MARK1: variants seen among roughly 807,000 people sequenced by gnomAD.
MARK1 encodes microtubule affinity regulating kinase 1.
A neutral mutation model predicts 96.3 loss-of-function variants in MARK1; 40 were observed. The observed-to-expected ratio is 0.42, with a 90% CI of 0.32 to 0.54. The LOEUF is 0.54. Ranked by LOEUF, MARK1 falls within the 20% of genes least tolerant of loss-of-function variation. The pLI, the probability that MARK1 is intolerant of heterozygous loss-of-function variation, is 0.16. For synonymous variants in MARK1, 317 were observed against 341.2 expected (o/e 0.93, Z 0.78); for missense variants, 719 against 984.6 (o/e 0.73, Z 3.61).
chr1:220,588,856 A>G (rs1234385515), intron 3 of MARK1, among the ~76,000 whole-genome samples: 1 of 152,236 alleles, frequency 6.6e-6, no homozygotes, highest in Non-Finnish European at 1.5e-5. Flanking sequence ...TTAATAGGCC[A>G]GTAAACTGTC....
chr1:220,651,874 C>G (rs988496808), intron 14 of MARK1, 112 bp from the exon 15 acceptor site: 96 of 690,698 alleles, frequency 1.4e-4, no homozygotes, highest in Admixed American at 2.9e-5. Context: ...ATGTTTCAGT[C>G]ATGAAAGGTG....
intron 1 of MARK1, among the ~76,000 whole-genome samples, chr1:220,566,652 A>G (rs1460961930): frequency 2.0e-5 from 3 of 152,084 alleles, no homozygotes; most frequent in Non-Finnish European, 2.9e-5. Flanking sequence ...TAACTAAACA[A>G]ATTATGAAAT....
At chr1:220,570,907 A>G (rs1663405303) in intron 1 of MARK1, among the ~76,000 whole-genome samples, 1 of 152,168 alleles carries the variant, frequency 6.6e-6, no homozygotes, top group Non-Finnish European at 1.5e-5. Context: ...TGCATAGCAT[A>G]GTAGCTTTCA....
chr1:220,528,599 C>T lies in MARK1; in HGVS notation c.-224C>T, dbSNP rs1660076559. ...CGAAGCCCTCCCTCGTTACTGTCCG[C>T]ATACCCCGGCGGCGCCGCCGCGGGA... On this transcript the variant is annotated 5_prime_UTR_variant, in exon 1 of 18. Transcript: ENST00000366917. 1 of 491,230 alleles carries T rather than the reference C, an allele frequency of 2.0e-6. No homozygotes were observed. The highest frequency in any genetic ancestry group is 2.1e-5 in the African/African-American group (1 of 48,602). 30.4% of individuals were successfully genotyped at this position (491,230 alleles called of 1,614,324 possible).
intron 3 of MARK1, among the ~76,000 whole-genome samples, chr1:220,586,740 G>A (rs1034124695): frequency 4.6e-5 from 7 of 152,170 alleles, no homozygotes; most frequent in Non-Finnish European, 1.0e-4. Flanking sequence ...AGGAGGCTTA[G>A]AGTCTTTAAG....
chr1:220,559,298 G>A (rs1046713721), intron 1 of MARK1, among the ~76,000 whole-genome samples: 1 of 152,138 alleles, frequency 6.6e-6, no homozygotes, highest in Non-Finnish European at 1.5e-5. Flanking sequence ...GAATAAAGAG[G>A]GATAGGTCAT....
At chr1:220,624,167 G>A (rs1044616986) in intron 9 of MARK1, among the ~76,000 whole-genome samples, 1 of 151,424 alleles carries the variant, frequency 6.6e-6, no homozygotes, top group African/African-American at 2.4e-5. Flanking sequence ...GCATGGTGGC[G>A]AGCGCCTGTA....
In MARK1 at chr1:220,631,079, A is replaced by C. The variant is rs144253102; in HGVS notation, c.954A>C (p.Glu318Asp). Residue 318 changes from glutamate to aspartate, a missense_variant, in exon 10 of 18, where the codon GAA (glutamate) becomes GAC (aspartate). Glu to Asp is a conservative substitution (Grantham distance 45). Coordinates refer to ENST00000366917, the MANE Select transcript of MARK1 (RefSeq NM_018650.5). ...DRWMNVGHEE[E>D]ELKPYTEPDP... ...GGATGAATGTTGGTCATGAAGAGGA[A>C]GAACTAAAGCCATATACTGAGCCTG... 5 of 1,613,246 alleles carry C rather than the reference A, an allele frequency of 3.1e-6. No homozygotes were observed. In the African/African-American group the frequency reaches 6.7e-5, roughly 22 times the overall value.
chr1:220,592,224 T>TATC (rs1665041043), intron 3 of MARK1, among the ~76,000 whole-genome samples: 1 of 49,514 alleles, frequency 2.0e-5, no homozygotes, highest in African/African-American at 9.8e-5. Context: ...TATATCATAT[T>TATC]ATATTATATT....
At chr1:220,595,999 G>A (rs1665311964) in intron 3 of MARK1, among the ~76,000 whole-genome samples, 1 of 152,184 alleles carries the variant, frequency 6.6e-6, no homozygotes, top group Non-Finnish European at 1.5e-5. Flanking sequence ...TATCAAATTT[G>A]ATGTGAGAAA....
At chr1:220,531,039 C>G (rs1183184997) in intron 1 of MARK1, among the ~76,000 whole-genome samples, 1 of 152,118 alleles carries the variant, frequency 6.6e-6, no homozygotes, top group African/African-American at 2.4e-5. Context: ...TAATCCCAAA[C>G]AAGTAATGTA....
At chr1:220,631,336 C>G (rs1044478706) in intron 10 of MARK1, among the ~76,000 whole-genome samples, 2 of 152,098 alleles carry the variant, frequency 1.3e-5, no homozygotes, top group Admixed American at 6.5e-5. Context: ...TGGTCTAATT[C>G]AATGTTTGAC....
Position 220,599,802 on chromosome 1 carries a change from A to T in MARK1, c.363A>T (p.Lys121Asn). The T allele has an allele frequency of 6.3e-7, 1 of 1,593,552 alleles. No homozygotes were observed. The highest frequency in any genetic ancestry group is 8.6e-7 in the Non-Finnish European group (1 of 1,163,770). ...ATATCTCTAATTTTTTTTCAGTAAA[A>T]TTGTTTGAAGTTATTGAAACAGAGA... ...MKILNHPNIV[K>N]LFEVIETEKT... is the part of the protein sequence containing the mutation. Residue 121 changes from lysine to asparagine, a missense_variant, in exon 5 of 18, where the codon AAA (lysine) becomes AAT (asparagine). Transcript: ENST00000366917.
At chr1:220,630,023 G>A (rs1301321120) in intron 9 of MARK1, among the ~76,000 whole-genome samples, 1 of 152,138 alleles carries the variant, frequency 6.6e-6, no homozygotes, top group African/African-American at 2.4e-5. Flanking sequence ...AGGAACCTCT[G>A]TACTATTTTC....
intron 3 of MARK1, among the ~76,000 whole-genome samples, chr1:220,586,155 A>G (rs1484640419): frequency 6.6e-6 from 1 of 152,204 alleles, no homozygotes; most frequent in Non-Finnish European, 1.5e-5. Flanking sequence ...CCAAAAATCA[A>G]ATTCATTAAC....
At chr1:220,568,953 G>A (rs796413318) in intron 1 of MARK1, among the ~76,000 whole-genome samples, 6 of 152,212 alleles carry the variant, frequency 3.9e-5, no homozygotes, top group African/African-American at 1.4e-4. Context: ...AGGATTGTGG[G>A]AATTTACTTG....
chr1:220,627,888 CA>C (rs1166971821), intron 9 of MARK1: 2 of 152,524 alleles, frequency 1.3e-5, no homozygotes, highest in African/African-American at 4.8e-5. Context: ...GCTCTGTCCT[CA>C]TACCTTCCCA....
chr1:220,528,481 G>A lies in MARK1; in HGVS notation c.-342G>A. 2.8e-6 allele frequency: 1 copy of A among 358,312 alleles called. No individual in the cohort carries two copies. The highest frequency in any genetic ancestry group is 5.1e-6 in the Non-Finnish European group (1 of 197,872). The allele number at this position is 358,312 out of a possible 1,614,324, so 22.2% of individuals were successfully genotyped here. A position where few individuals can be genotyped will look rare whatever the true frequency, so the allele number is the denominator to read the frequency against. ...TTCACCTTCACCCATGGTCCGGAGA[G>A]CCTAGCGGGGCTCGCCACCGCCTCC... On this transcript the variant is annotated 5_prime_UTR_variant, in exon 1 of 18. Transcript: ENST00000366917.
rs981805309 is a variant in MARK1 at position 220,654,392 on chromosome 1, C to G, written c.1988+1040C>G. On this transcript the variant is annotated intron_variant, in intron 16 of 17. Transcript: ENST00000366917. This position sits in a 1 kb window ranked among gnomAD's most constrained non-coding sequence, Gnocchi z 4.0. Reference sequence around the variant, plus strand: ...TGGATGTGGAAAAGAGAAGAAGCAGCTTCAGTCTTACTTGCCTTGTCATGG... The same window carrying G: ...TGGATGTGGAAAAGAGAAGAAGCAGGTTCAGTCTTACTTGCCTTGTCATGG... Among the ~76,000 whole-genome samples the G allele has an allele frequency of 6.6e-6, 1 of 152,200 alleles. No individual in the cohort carries two copies. The highest frequency in any genetic ancestry group is 1.5e-5 in the Non-Finnish European group (1 of 68,036).
Sources: allele counts gnomAD v4.1 joint callset (sites outside exome capture counted in the v4.1 genomes callset), GRCh38; gene constraint gnomAD v4.1.1; non-coding constraint Gnocchi (gnomAD v3.1); transcripts MANE v1.5; gene names NCBI Gene and HGNC (gene_info 2026-07-23, HGNC 2026-07-21).